The following IL1RAPL2 variants were observed in gnomAD, a reference collection of about 807,000 sequenced individuals.
IL1RAPL2 encodes the protein X-linked interleukin-1 receptor accessory protein-like 2.
In IL1RAPL2, 3 loss-of-function variants were observed where a neutral mutation model predicts 44.1. The ratio of observed to expected loss-of-function variants is 0.07; its 90% CI spans 0.03 to 0.18. The LOEUF (loss-of-function observed/expected upper bound fraction) is 0.18, where lower values mean the gene tolerates loss of function less well. Among genes scored for constraint, IL1RAPL2 ranks in the 10% least tolerant of loss-of-function variants. The pLI is 1.00. For synonymous variants in IL1RAPL2, 181 were observed against 178.8 expected (o/e 1.01, Z -0.10); for missense variants, 391 against 496.4 (o/e 0.79, Z 2.02).
intron 6 of IL1RAPL2, among the ~76,000 whole-genome samples, chrX:105,663,316 TAAAG>T (rs2147848452): frequency 8.9e-6 from 1 of 112,255 alleles, no homozygotes; most frequent in South Asian, 3.7e-4. Context: ...AAGTTAAAAT[TAAAG>T]ACACTGTATC....
At chrX:105,297,149 A>G (rs760150326) in intron 5 of IL1RAPL2, among the ~76,000 whole-genome samples, 48 of 112,230 alleles carry the variant, frequency 4.3e-4, no homozygotes, top group African/African-American at 1.5e-3. Flanking sequence ...GGAGAAGAGC[A>G]TACCAGGCAG....
intron 6 of IL1RAPL2, among the ~76,000 whole-genome samples, chrX:105,684,770 C>T (rs1194087200): frequency 9.5e-6 from 1 of 105,614 alleles, no homozygotes; most frequent in Non-Finnish European, 1.9e-5. Context: ...TGGGAGACAC[C>T]TCCCAGTAGG....
chrX:105,701,554 T>G (rs1266282726), intron 6 of IL1RAPL2, among the ~76,000 whole-genome samples: 1 of 111,138 alleles, frequency 9.0e-6, no homozygotes. Flanking sequence ...GCTAATCACT[T>G]CAGGGCAGCT....
intron 2 of IL1RAPL2, among the ~76,000 whole-genome samples, chrX:105,038,535 T>C (rs1206781365): frequency 9.0e-6 from 1 of 111,216 alleles, no homozygotes; most frequent in Non-Finnish European, 1.9e-5. Flanking sequence ...GGCTGTAGAA[T>C]CTGTTTCTTT....
intron 5 of IL1RAPL2, among the ~76,000 whole-genome samples, chrX:105,438,528 G>A (rs758372606): frequency 3.6e-5 from 4 of 110,908 alleles, no homozygotes; most frequent in African/African-American, 9.8e-5. Flanking sequence ...GAGTAGTGGC[G>A]TGTTGGACAA....
intron 9 of IL1RAPL2, among the ~76,000 whole-genome samples, chrX:105,753,202 T>A (rs1484725053): frequency 6.3e-5 from 7 of 111,237 alleles, no homozygotes; most frequent in Non-Finnish European, 1.1e-4. Context: ...GTACAAGCAA[T>A]AGGACAGGAG....
At chrX:105,453,268 A>G (rs954343237) in intron 5 of IL1RAPL2, among the ~76,000 whole-genome samples, 1 of 112,224 alleles carries the variant, frequency 8.9e-6, no homozygotes, top group Non-Finnish European at 1.9e-5. Flanking sequence ...CTCTTGGTAA[A>G]TATTGGCTAA....
At chrX:104,905,761 G>T (rs57296525) in intron 2 of IL1RAPL2, among the ~76,000 whole-genome samples, 2,655 of 111,003 alleles carry the variant, frequency 0.024, 86 homozygotes, top group African/African-American at 0.082. Context: ...TTGTTCTTTT[G>T]GCTTAGGATT....
chrX:105,644,947 T>G (rs75571248), intron 6 of IL1RAPL2, among the ~76,000 whole-genome samples: 7,503 of 111,568 alleles, frequency 0.067, 638 homozygotes, highest in African/African-American at 0.23. Context: ...CACTGTTTTT[T>G]TATGGCTGCA....
intron 6 of IL1RAPL2, among the ~76,000 whole-genome samples, chrX:105,552,625 A>T (rs2036866277): frequency 9.0e-6 from 1 of 111,730 alleles, no homozygotes; most frequent in South Asian, 3.8e-4. Flanking sequence ...GTCTTCCTCC[A>T]TCTGCTGGCT....
At chrX:104,847,390 C>T (rs1219853600) in intron 2 of IL1RAPL2, among the ~76,000 whole-genome samples, 1 of 111,605 alleles carries the variant, frequency 9.0e-6, no homozygotes, top group Non-Finnish European at 1.9e-5. Context: ...GGAAGGGATC[C>T]AGTTTCAGCT....
chrX:105,347,787 C>T (rs1258764619), intron 5 of IL1RAPL2, among the ~76,000 whole-genome samples: 2 of 111,228 alleles, frequency 1.8e-5, no homozygotes, highest in African/African-American at 3.3e-5. Flanking sequence ...GCTCATTTAA[C>T]AGCATCCCTA....
In IL1RAPL2 at chrX:105,167,134, C is replaced by T. The variant is rs137971255; in HGVS notation, c.83-28341C>T. Among the ~76,000 whole-genome samples, 729 of 112,133 alleles carry T rather than the reference C, an allele frequency of 6.5e-3. 2 individuals carry two copies. Among genetic ancestry groups the T allele is most frequent in the Non-Finnish European group, 8.2e-3 (439 of 53,254 alleles). ...TTCTCTCATCTCTTATCTGAACCTA[C>T]AATCAAGGAGTCCCCAGATCATCAA... On this transcript the variant is annotated intron_variant, in intron 2 of 10. Transcript: ENST00000372582.
At chrX:105,621,470 G>A (rs936262967) in intron 6 of IL1RAPL2, among the ~76,000 whole-genome samples, 1 of 111,620 alleles carries the variant, frequency 9.0e-6, no homozygotes, top group African/African-American at 3.3e-5. Flanking sequence ...CGACAAGCTT[G>A]TTGTTTTTAA....
rs901370604 is a variant in IL1RAPL2, at chrX:104,889,993, C to A, written c.82+230998C>A. On this transcript the variant is annotated intron_variant, in intron 2 of 10. Coordinates refer to ENST00000372582, the MANE Select transcript of IL1RAPL2 (RefSeq NM_017416.2). ...GGTCCTGGTGTGTGATGTTCCCCTTCCTGTGTCCAAGTGTTCTCAATGTTC... is the reference window on the plus strand; with the variant it reads ...GGTCCTGGTGTGTGATGTTCCCCTTACTGTGTCCAAGTGTTCTCAATGTTC... Among the ~76,000 whole-genome samples the A allele has an allele frequency of 4.5e-5, 5 of 110,854 alleles. No individual in the cohort carries two copies. In the Admixed American group the frequency reaches 4.8e-4, roughly 11 times the overall value.
chrX:104,656,324 T>C (rs1930259452), intron 1 of IL1RAPL2, among the ~76,000 whole-genome samples: 2 of 112,128 alleles, frequency 1.8e-5, no homozygotes, highest in African/African-American at 6.5e-5. Context: ...TGCTATAAAT[T>C]TCCCTCTACA....
At chrX:105,126,503 C>T (rs1392019776) in intron 2 of IL1RAPL2, among the ~76,000 whole-genome samples, 1 of 111,135 alleles carries the variant, frequency 9.0e-6, no homozygotes, top group Non-Finnish European at 1.9e-5. Context: ...AATTTGTTTA[C>T]TATGTTCCTT....
chrX:104,688,955 C>A, intron 2 of IL1RAPL2, among the ~76,000 whole-genome samples: 1 of 111,359 alleles, frequency 9.0e-6, no homozygotes, highest in Non-Finnish European at 1.9e-5. Context: ...TCCCAATTAG[C>A]CATATCTATG....
At chrX:105,693,099 G>A (rs970245835) in intron 6 of IL1RAPL2, among the ~76,000 whole-genome samples, 1 of 111,483 alleles carries the variant, frequency 9.0e-6, no homozygotes, top group African/African-American at 3.3e-5. Flanking sequence ...AAAGGGTAGC[G>A]TATTCTTCTT....
Sources: gnomAD v4.1 joint callset for allele counts (sites outside exome capture counted in the v4.1 genomes callset) on GRCh38, gnomAD v4.1.1 for gene constraint, MANE v1.5 for transcripts, NCBI Gene and HGNC (gene_info 2026-07-23, HGNC 2026-07-21) for gene names.